The following CNOT6 variants were observed in gnomAD, a reference collection of about 807,000 sequenced individuals.
CNOT6 encodes carbon catabolite repression 4 protein.
CNOT6 carries 12 observed loss-of-function variants against 61.2 expected under a neutral mutation model. The ratio of observed to expected loss-of-function variants is 0.20; its 90% CI spans 0.13 to 0.32. CNOT6 has a LOEUF of 0.32. Among genes scored for constraint, CNOT6 ranks in the 10% least tolerant of loss-of-function variants. The pLI is 1.00. For missense variants in CNOT6, 405 were observed against 663.9 expected, an observed-to-expected ratio of 0.61 and a Z score of 4.28; for synonymous variants, 225 against 240.6, an observed-to-expected ratio of 0.94 and a Z score of 0.60.
chr5:180,570,312 T>C (rs758370229), intron 10 of CNOT6, among the ~76,000 whole-genome samples: 12 of 152,074 alleles, frequency 7.9e-5, no homozygotes, highest in Non-Finnish European at 1.8e-4. Flanking sequence ...GAGCCAAGAT[T>C]GTACCACTGC....
Position 180,562,759 on chromosome 5 carries a change from G to T in CNOT6, c.386-1730G>T, listed in dbSNP as rs376222456. Among the ~76,000 whole-genome samples, 19 of 152,136 alleles carry T rather than the reference G, an allele frequency of 1.2e-4. No homozygotes were observed. The East Asian group carries it at 2.5e-3, about 20-fold the overall frequency. ...CATCTCAAAAAAAAAATAAGAAAAAGAAAACAGCATCACTGTAGGTCTGGT... is the reference window on the plus strand; with the variant it reads ...CATCTCAAAAAAAAAATAAGAAAAATAAAACAGCATCACTGTAGGTCTGGT... On this transcript the variant is annotated intron_variant, in intron 4 of 11. Transcript: ENST00000261951.
intron 10 of CNOT6, among the ~76,000 whole-genome samples, chr5:180,569,773 A>G (rs1042607269): frequency 1.3e-5 from 2 of 152,214 alleles, no homozygotes; most frequent in Non-Finnish European, 2.9e-5. Flanking sequence ...TCAGGTGGAA[A>G]ATGAGCTCCT....
In CNOT6 at chr5:180,564,597, A is replaced by G. The variant is rs377504063; in HGVS notation, c.490+4A>G. On this transcript the variant is annotated splice_donor_region_variant and intron_variant, in intron 5 of 11. Coordinates refer to ENST00000261951, the MANE Select transcript of CNOT6 (RefSeq NM_001370472.1). ...TTGTCAGGTACTGCAAAAAGAAGTA[A>G]GTGGTTATTTGTTTAAACCTTTTTA... 2 of 1,612,508 alleles carry G rather than the reference A, an allele frequency of 1.2e-6. No individual in the cohort carries two copies. The highest frequency in any genetic ancestry group is 1.3e-5 in the African/African-American group (1 of 74,912).
intron 1 of CNOT6, among the ~76,000 whole-genome samples, chr5:180,527,493 T>C (rs1758155684): frequency 6.6e-6 from 1 of 152,242 alleles, no homozygotes; most frequent in Admixed American, 6.5e-5. Context: ...TGTAACGTTC[T>C]GTAGTATTAA....
At chr5:180,508,703 A>G (rs1017655345) in intron 1 of CNOT6, among the ~76,000 whole-genome samples, 15 of 151,936 alleles carry the variant, frequency 9.9e-5, no homozygotes, top group Non-Finnish European at 8.8e-5. Flanking sequence ...GCTCACTGCA[A>G]CCTCAATCTC....
Position 180,576,482 on chromosome 5 carries a change from A to G in CNOT6, c.*2282A>G, listed in dbSNP as rs545415302. ...ATCTGTATTTGTTATTGTCTACAAT[A>G]TATTTGAATTTGGGGCAGCATATTA... On this transcript the variant is annotated 3_prime_UTR_variant, in exon 12 of 12. Coordinates refer to ENST00000261951, the MANE Select transcript of CNOT6 (RefSeq NM_001370472.1). 6.5e-6 allele frequency: 1 copy of G among 152,682 alleles called. No homozygotes were observed. Among genetic ancestry groups the G allele is most frequent in the Non-Finnish European group, 1.5e-5 (1 of 68,054 alleles). 9.5% of individuals were successfully genotyped at this position (152,682 alleles called of 1,614,324 possible). A position where few individuals can be genotyped will look rare whatever the true frequency, so the allele number is the denominator to read the frequency against.
intron 1 of CNOT6, among the ~76,000 whole-genome samples, chr5:180,517,820 G>A (rs993747325): frequency 2.6e-5 from 4 of 152,226 alleles, no homozygotes; most frequent in African/African-American, 9.6e-5. Context: ...GGGATTACAG[G>A]CGTGAGCTAC....
Position 180,529,297 on chromosome 5 carries a change from G to T in CNOT6, c.21G>T (p.Glu7Asp), listed in dbSNP as rs753062387. The T allele has an allele frequency of 5.0e-6, 8 of 1,611,622 alleles. No homozygotes were observed. In the South Asian group the frequency reaches 6.6e-5, roughly 13 times the overall value. MPKEKY[E>D]PPDPRRMYTI... is the part of the protein sequence containing the mutation. ...CAGGCATGCCCAAAGAAAAATACGA[G>T]CCCCCTGACCCTCGGAGGATGTATA... The change falls in exon 2 of 12, where the codon GAG becomes GAT. Residue 7 changes from glutamate (E) to aspartate (D), a missense_variant. Physicochemically the swap from Glu to Asp is conservative, Grantham distance 45 (BLOSUM62 2). This residue lies in a region of CNOT6 where 212 missense variants were observed against 307.1 expected (regional missense o/e 0.69). Coordinates refer to ENST00000261951, the MANE Select transcript of CNOT6 (RefSeq NM_001370472.1).
rs1401769116 is a variant in CNOT6, at chr5:180,576,078, A to G, written c.*1878A>G. ...TGACACCAAACACATCCAGTTTATA[A>G]TCAGTACATTGGAAAGCTGGTATTG... On this transcript the variant is annotated 3_prime_UTR_variant, in exon 12 of 12. Coordinates refer to ENST00000261951, the MANE Select transcript of CNOT6 (RefSeq NM_001370472.1). 2.0e-5 allele frequency: 3 copies of G among 152,458 alleles called. No homozygotes were observed. The allele number at this position is 152,458 out of a possible 1,614,324, so 9.4% of individuals were successfully genotyped here.
At chr5:180,515,732 A>G (rs1037372111) in intron 1 of CNOT6, among the ~76,000 whole-genome samples, 14 of 152,010 alleles carry the variant, frequency 9.2e-5, no homozygotes, top group East Asian at 3.9e-4. Context: ...CTAAAAAAAA[A>G]GGGGGTCTTT....
chr5:180,502,608 A>T, intron 1 of CNOT6, among the ~76,000 whole-genome samples: 1 of 152,238 alleles, frequency 6.6e-6, no homozygotes, highest in East Asian at 1.9e-4. Context: ...AGTTATTGCT[A>T]CAAACACATA....
chr5:180,557,611 C>T (rs1369295077), intron 4 of CNOT6, among the ~76,000 whole-genome samples: 1 of 152,000 alleles, frequency 6.6e-6, no homozygotes. Context: ...ATTCTAGGTA[C>T]GAGTCGTTGG....
rs371582649 is a variant in CNOT6, at chr5:180,550,095, C to G, written c.277C>G (p.Leu93Val). The change falls in exon 3 of 12, where the codon CTC becomes GTC. Residue 93 changes from leucine to valine, a missense_variant. Physicochemically the swap from Leu to Val is conservative, Grantham distance 32. Coordinates refer to ENST00000261951, the MANE Select transcript of CNOT6 (RefSeq NM_001370472.1). ...TAAAATTCGTAGCTTACCCGCAGAA[C>G]TCGGAAACATGGTATCACTCAGGTA... is the stretch of plus-strand genomic sequence containing the variant. ...SNKIRSLPAE[L>V]GNMVSLRELH... 8 of 1,613,814 alleles carry G rather than the reference C, an allele frequency of 5.0e-6. No individual in the cohort carries two copies. Among genetic ancestry groups the G allele is most frequent in the Non-Finnish European group, 6.8e-6 (8 of 1,179,894 alleles).
intron 2 of CNOT6, among the ~76,000 whole-genome samples, chr5:180,545,639 T>A (rs1289613380): frequency 6.6e-6 from 1 of 152,230 alleles, no homozygotes; most frequent in Non-Finnish European, 1.5e-5. Context: ...ACACTTGGGT[T>A]GTTTCCAATA....
intron 1 of CNOT6, among the ~76,000 whole-genome samples, chr5:180,498,350 A>C (rs4538575): frequency 6.6e-6 from 1 of 152,056 alleles, no homozygotes; most frequent in African/African-American, 2.4e-5. Context: ...TTGCCTTCTC[A>C]TAGTGTATAG....
chr5:180,537,297 T>G (rs781247251), intron 2 of CNOT6, among the ~76,000 whole-genome samples: 9 of 152,208 alleles, frequency 5.9e-5, no homozygotes, highest in Non-Finnish European at 8.8e-5. Context: ...TTTGGTGGTG[T>G]TAGTGTTTTG....
At chr5:180,572,712 G>C in intron 11 of CNOT6, among the ~76,000 whole-genome samples, 1 of 138,956 alleles carries the variant, frequency 7.2e-6, no homozygotes, top group Non-Finnish European at 1.7e-5. Flanking sequence ...GCCATACCCA[G>C]ATCTTTTTTT....
At chr5:180,521,712 CCTCT>C (rs1168919377) in intron 1 of CNOT6, among the ~76,000 whole-genome samples, 2 of 152,172 alleles carry the variant, frequency 1.3e-5, no homozygotes, top group South Asian at 2.1e-4. Flanking sequence ...CCCTCTCCTC[CCTCT>C]AATAGTCCCT....
chr5:180,510,209 A>G (rs773023678), intron 1 of CNOT6, among the ~76,000 whole-genome samples: 1 of 120,708 alleles, frequency 8.3e-6, no homozygotes, highest in Admixed American at 1.2e-4. Flanking sequence ...GCTGGAGTGC[A>G]GTGGCTATTC....
Sources: gnomAD v4.1 joint callset for allele counts (sites outside exome capture counted in the v4.1 genomes callset) on GRCh38, gnomAD v4.1.1 for gene constraint, gnomAD v4.1.1 regional missense constraint, MANE v1.5 for transcripts, NCBI Gene and HGNC (gene_info 2026-07-23, HGNC 2026-07-21) for gene names.